The following EIPR1 variants were observed in gnomAD, a reference collection of about 807,000 sequenced individuals.
EIPR1 encodes EARP complex and GARP complex interacting protein 1, also known as EARP and GARP complex-interacting protein 1.
EIPR1 carries 25 observed loss-of-function variants against 48.1 expected under a neutral mutation model. The observed-to-expected ratio is 0.52, with a 90% CI of 0.38 to 0.73. EIPR1 has a LOEUF of 0.73. Among genes scored for constraint, EIPR1 ranks in the 30% least tolerant of loss-of-function variants. The pLI is 0.00. For missense variants in EIPR1, 415 were observed against 506.2 expected, an observed-to-expected ratio of 0.82 and a Z score of 1.73; for synonymous variants, 204 against 201.9, an observed-to-expected ratio of 1.01 and a Z score of -0.09.
chr2:3,202,006 G>A (rs927146771), intron 5 of EIPR1, among the ~76,000 whole-genome samples: 12 of 151,960 alleles, frequency 7.9e-5, no homozygotes, highest in African/African-American at 1.2e-4. Context: ...GCGCGATCTC[G>A]GCTCACTGCA....
Position 3,283,021 on chromosome 2 carries a change from T to G in EIPR1, c.260-25566A>C, listed in dbSNP as rs907835952. ...ATCTGTCCTTTTACTTAATGCAAACTCTGCTTTATTTTGCTTATTTATTCC... is the reference window on the plus strand; with the variant it reads ...ATCTGTCCTTTTACTTAATGCAAACGCTGCTTTATTTTGCTTATTTATTCC... On this transcript the variant is annotated intron_variant, in intron 3 of 8. Transcript: ENST00000382125. Among the ~76,000 whole-genome samples, 17 of 152,340 alleles carry G rather than the reference T, an allele frequency of 1.1e-4. No individual in the cohort carries two copies. In the South Asian group the frequency reaches 2.3e-3, roughly 20 times the overall value.
At chr2:3,303,240 G>A (rs1325297046) in intron 3 of EIPR1, among the ~76,000 whole-genome samples, 1 of 152,236 alleles carries the variant, frequency 6.6e-6, no homozygotes, top group East Asian at 1.9e-4. Context: ...CTGGGTGGAA[G>A]GGGAGGGGTG....
chr2:3,280,373 C>A (rs1007373657), intron 3 of EIPR1, among the ~76,000 whole-genome samples: 1 of 152,196 alleles, frequency 6.6e-6, no homozygotes, highest in African/African-American at 2.4e-5. Flanking sequence ...CGTTCCCATC[C>A]TCCAGGTGCC....
intron 3 of EIPR1, among the ~76,000 whole-genome samples, chr2:3,324,777 G>A (rs1042491702): frequency 1.3e-5 from 2 of 152,244 alleles, no homozygotes; most frequent in Non-Finnish European, 2.9e-5. Flanking sequence ...ACGCCGGGGG[G>A]AGTGCAGGCG....
chr2:3,252,399 T>C (rs1257744485), intron 4 of EIPR1, among the ~76,000 whole-genome samples: 2 of 152,346 alleles, frequency 1.3e-5, no homozygotes, highest in South Asian at 2.1e-4. Flanking sequence ...AAGACCAGCC[T>C]GGCCAATATG....
intron 3 of EIPR1, among the ~76,000 whole-genome samples, chr2:3,317,980 G>A (rs1174620017): frequency 6.6e-6 from 1 of 152,246 alleles, no homozygotes; most frequent in East Asian, 1.9e-4. Context: ...CAGGCTGCCC[G>A]AGACACGGGC....
At chr2:3,262,384 G>A (rs1667360966) in intron 3 of EIPR1, among the ~76,000 whole-genome samples, 1 of 152,126 alleles carries the variant, frequency 6.6e-6, no homozygotes, top group Non-Finnish European at 1.5e-5. Context: ...GCAATTCCAG[G>A]ACCTGCTACT....
chr2:3,221,835 G>A (rs1194061307), intron 4 of EIPR1, among the ~76,000 whole-genome samples: 3 of 149,128 alleles, frequency 2.0e-5, no homozygotes, highest in African/African-American at 5.2e-5. Flanking sequence ...CACAATGGCC[G>A]AGATACACTC....
At chr2:3,336,963 AAAGG>A (rs1435638513) in intron 3 of EIPR1, among the ~76,000 whole-genome samples, 1 of 139,380 alleles carries the variant, frequency 7.2e-6, no homozygotes, top group Non-Finnish European at 1.6e-5. Context: ...GAGAAAAGGG[AAAGG>A]AAGGGAAAAG....
intron 4 of EIPR1, among the ~76,000 whole-genome samples, chr2:3,225,448 A>G (rs1240607524): frequency 1.3e-5 from 2 of 152,004 alleles, no homozygotes; most frequent in Admixed American, 6.6e-5. Context: ...ATCTCCCTAC[A>G]TTGCCTAGGC....
chr2:3,224,510 C>T (rs945120183), intron 4 of EIPR1, among the ~76,000 whole-genome samples: 4 of 152,198 alleles, frequency 2.6e-5, no homozygotes, highest in African/African-American at 9.7e-5. Context: ...CCTGACTGGA[C>T]ACTCTATCAC....
intron 4 of EIPR1, among the ~76,000 whole-genome samples, chr2:3,240,947 AAAGCCAGC>A: frequency 8.3e-6 from 1 of 120,494 alleles, no homozygotes; most frequent in Non-Finnish European, 1.9e-5. Flanking sequence ...TTCCTAAAGC[AAAGCCAGC>A]AGATCCCTCC....
At chr2:3,353,092 T>C (rs1670627731) in intron 2 of EIPR1, 1 of 385,062 alleles carries the variant, frequency 2.6e-6, no homozygotes. Context: ...CTAATAATCA[T>C]TGTGTTTTTA....
At chr2:3,317,257 G>A (rs1351470035) in intron 3 of EIPR1, among the ~76,000 whole-genome samples, 5 of 150,930 alleles carry the variant, frequency 3.3e-5, no homozygotes, top group East Asian at 3.9e-4. Flanking sequence ...CCTACTGTGC[G>A]CCTTGCATGC....
chr2:3,324,608 C>T (rs1453518140), intron 3 of EIPR1, among the ~76,000 whole-genome samples: 2 of 152,266 alleles, frequency 1.3e-5, no homozygotes, highest in African/African-American at 4.8e-5. Flanking sequence ...TGAAAGCCGA[C>T]CCTGCCCAGG....
At chr2:3,267,680 G>T (rs944061036) in intron 3 of EIPR1, among the ~76,000 whole-genome samples, 8 of 152,268 alleles carry the variant, frequency 5.3e-5, no homozygotes, top group Non-Finnish European at 7.3e-5. Context: ...TCCTGCTGCA[G>T]ACCTACATCA....
chr2:3,368,231 G>A (rs191834351), intron 1 of EIPR1, among the ~76,000 whole-genome samples: 58 of 152,220 alleles, frequency 3.8e-4, no homozygotes, highest in Admixed American at 3.4e-3. Flanking sequence ...AGGACTCCAG[G>A]AGAACCTCCC....
intron 3 of EIPR1, among the ~76,000 whole-genome samples, chr2:3,308,523 A>C (rs1039221727): frequency 6.6e-6 from 1 of 152,228 alleles, no homozygotes; most frequent in Non-Finnish European, 1.5e-5. Flanking sequence ...AAAAATGAAC[A>C]GCCTCAGGAA....
chr2:3,277,902 C>T (rs552403450), intron 3 of EIPR1, among the ~76,000 whole-genome samples: 22 of 152,310 alleles, frequency 1.4e-4, no homozygotes, highest in African/African-American at 3.8e-4. Context: ...ACTAACCAAG[C>T]GGCACTTCCT....
Sources: gnomAD v4.1 joint callset for allele counts (sites outside exome capture counted in the v4.1 genomes callset) on GRCh38, gnomAD v4.1.1 for gene constraint, MANE v1.5 for transcripts, NCBI Gene and HGNC (gene_info 2026-07-23, HGNC 2026-07-21) for gene names.